The following TTC13 variants were observed in gnomAD, a reference collection of about 807,000 sequenced individuals.
TTC13 encodes tetratricopeptide repeat domain 13.
A neutral mutation model predicts 120.0 loss-of-function variants in TTC13; 62 were observed. The ratio of observed to expected loss-of-function variants is 0.52; its 90% confidence interval spans 0.42 to 0.64. The LOEUF is 0.64. Ranked by LOEUF, TTC13 falls within the 30% of genes least tolerant of loss-of-function variation. The pLI, the probability that TTC13 is intolerant of heterozygous loss-of-function variation, is 0.00. For missense variants in TTC13, 824 were observed against 1,050.2 expected (o/e 0.78, Z 2.98); for synonymous variants, 384 against 393.5 (o/e 0.98, Z 0.28).
intron 7 of TTC13, 151 bp from the exon 8 acceptor site, chr1:230,939,647 T>C (rs867960249): frequency 2.5e-5 from 13 of 516,666 alleles, no homozygotes; most frequent in African/African-American, 7.6e-5. Context: ...TATATATTGG[T>C]TAAGTGCTTA....
intron 6 of TTC13, among the ~76,000 whole-genome samples, chr1:230,941,905 T>C (rs899753757): frequency 2.0e-5 from 3 of 152,176 alleles, no homozygotes; most frequent in Admixed American, 6.5e-5. Flanking sequence ...AAAAAGTTAA[T>C]TTATGTTCAT....
At chr1:230,966,523 C>A (rs934198480) in intron 1 of TTC13, among the ~76,000 whole-genome samples, 1 of 152,130 alleles carries the variant, frequency 6.6e-6, no homozygotes, top group East Asian at 1.9e-4. Context: ...TGATTCAATA[C>A]ATATTTGTTG....
At chr1:230,961,117 A>G (rs1415444508) in intron 2 of TTC13, 92 bp downstream of exon 2, 1 of 932,008 alleles carries the variant, frequency 1.1e-6, no homozygotes, top group Non-Finnish European at 1.7e-6. Context: ...ACGAGGCCCA[A>G]CTTCTAGTTG....
chr1:230,925,661 C>G lies in TTC13; in HGVS notation c.1458-14G>C, dbSNP rs1187877185. 4 of 1,613,294 alleles carry G rather than the reference C, an allele frequency of 2.5e-6. No individual in the cohort carries two copies. The highest frequency in any genetic ancestry group is 3.4e-6 in the Non-Finnish European group (4 of 1,179,572). On this transcript the variant is annotated splice_polypyrimidine_tract_variant and intron_variant, in intron 12 of 22. Coordinates refer to ENST00000366661, the MANE Select transcript of TTC13 (RefSeq NM_024525.5). ...TGTAACACATCTCTGGAAGAAACAT[C>G]ATGTACATGATAAGGACTTTTACAA...
intron 8 of TTC13, chr1:230,936,121 A>G (rs1674030117): frequency 2.2e-6 from 1 of 454,344 alleles, no homozygotes; most frequent in Non-Finnish European, 4.4e-6. Context: ...GTGGACAGCT[A>G]GGTGGAGACG....
chr1:230,937,795 T>C (rs371829141), intron 8 of TTC13, among the ~76,000 whole-genome samples: 13 of 152,232 alleles, frequency 8.5e-5, no homozygotes, highest in Admixed American at 2.6e-4. Context: ...ACTTTTCACA[T>C]AGAGTATTTT....
At chr1:230,907,042 AG>A (rs1270661772) in intron 22 of TTC13, 23 bp from the exon 23 acceptor site, 1 of 1,296,900 alleles carries the variant, frequency 7.7e-7, no homozygotes, top group East Asian at 2.7e-5. Flanking sequence ...AACACAAAGT[AG>A]CGGCATGAAA....
At position 230,978,070 on chromosome 1, in the gene TTC13, G is replaced by A. The variant is rs1029884730; in HGVS notation, c.271+490C>T. ...CCAATTTTTAGGAACTGTTGTATAC[G>A]AGACATTAACCCGGGAGGTCAGGAA... On this transcript the variant is annotated intron_variant, in intron 1 of 22. Coordinates refer to ENST00000366661, the MANE Select transcript of TTC13 (RefSeq NM_024525.5). This position sits in a 1 kb window ranked among gnomAD's most constrained non-coding sequence, Gnocchi z 5.6. Among the ~76,000 whole-genome samples the A allele has an allele frequency of 1.3e-5, 2 of 152,168 alleles. No homozygotes were observed. The highest frequency in any genetic ancestry group is 4.8e-5 in the African/African-American group (2 of 41,428).
At chr1:230,925,770 T>G in intron 12 of TTC13, 123 bp from the exon 13 acceptor site, 1 of 1,082,900 alleles carries the variant, frequency 9.2e-7, no homozygotes, top group East Asian at 2.4e-5. Context: ...GACCACATAA[T>G]CCTTACTTCA....
Position 230,919,237 on chromosome 1 carries a change from T to C in TTC13, c.1983+1273A>G, listed in dbSNP as rs1672340803. Reference sequence around the variant, plus strand: ...ATGGGGTCTCACTCATCACCCAGTGTAGGCAAGAGAGCAAGACCCTGTCTC... The same window carrying C: ...ATGGGGTCTCACTCATCACCCAGTGCAGGCAAGAGAGCAAGACCCTGTCTC... On this transcript the variant is annotated intron_variant, in intron 17 of 22. Transcript: ENST00000366661. Among the ~76,000 whole-genome samples, 7 of 151,596 alleles carry C rather than the reference T, an allele frequency of 4.6e-5. No individual in the cohort carries two copies. The South Asian group carries it at 1.5e-3, about 32-fold the overall frequency.
At position 230,978,525 on chromosome 1, in the gene TTC13, C is replaced by A; in HGVS notation, c.271+35G>T. ...ACCCCAGCCCCGCTGCCCCGCCGCC[C>A]CGGCCGACTCGGACGCCCGCCGCCG... On this transcript the variant is annotated intron_variant, in intron 1 of 22. Transcript: ENST00000366661. The surrounding 1 kb of genome is among the most constrained non-coding windows in gnomAD (Gnocchi z 5.6). 1.4e-6 allele frequency: 1 copy of A among 721,366 alleles called. No individual in the cohort carries two copies. Among genetic ancestry groups the A allele is most frequent in the Non-Finnish European group, 1.9e-6 (1 of 516,962 alleles). 44.7% of individuals were successfully genotyped at this position (721,366 alleles called of 1,614,324 possible).
chr1:230,958,495 T>TA (rs1166912136), intron 2 of TTC13, among the ~76,000 whole-genome samples, 196 bp from the exon 3 acceptor site: 1 of 152,228 alleles, frequency 6.6e-6, no homozygotes, highest in Non-Finnish European at 1.5e-5. Flanking sequence ...GGGAAACTCT[T>TA]ATCAGCTCCT....
chr1:230,955,959 G>A (rs1207341347), intron 3 of TTC13, among the ~76,000 whole-genome samples: 1 of 152,134 alleles, frequency 6.6e-6, no homozygotes, highest in Non-Finnish European at 1.5e-5. Flanking sequence ...GGGGGTGGTG[G>A]AGGCAGTAAT....
chr1:230,976,398 A>ATAGT (rs1360273971), intron 1 of TTC13, among the ~76,000 whole-genome samples: 1 of 151,696 alleles, frequency 6.6e-6, no homozygotes, highest in African/African-American at 2.4e-5. Flanking sequence ...CAGCTTCTAC[A>ATAGT]TAGTTGTCCA....
intron 18 of TTC13, 106 bp from the exon 19 acceptor site, chr1:230,912,864 CAT>C: frequency 2.0e-6 from 2 of 995,756 alleles, no homozygotes; most frequent in South Asian, 3.1e-5. Context: ...TAGCACTAAA[CAT>C]ATACAAGAAT....
Position 230,978,175 on chromosome 1 carries a change from C to T in TTC13, c.271+385G>A, listed in dbSNP as rs73110115. Among the ~76,000 whole-genome samples the T allele has an allele frequency of 0.043, 6,525 of 152,248 alleles. 378 individuals carry two copies. Among genetic ancestry groups the T allele is most frequent in the African/African-American group, 0.13 (5,561 of 41,564 alleles). ...GCAAGCCGCCGGGCTGGTTGCTCGT[C>T]CGCCCGCCCCTCCCTCGCCCCTTCG... On this transcript the variant is annotated intron_variant, in intron 1 of 22. Transcript: ENST00000366661. The surrounding 1 kb of genome is among the most constrained non-coding windows in gnomAD (Gnocchi z 5.6).
intron 18 of TTC13, among the ~76,000 whole-genome samples, chr1:230,914,980 T>TG (rs1385187621): frequency 2.6e-5 from 4 of 152,150 alleles, no homozygotes; most frequent in Non-Finnish European, 4.4e-5. Flanking sequence ...ATACACATCG[T>TG]GGATGTGTGA....
chr1:230,935,194 A>G (rs1673929907), intron 8 of TTC13, among the ~76,000 whole-genome samples: 1 of 152,220 alleles, frequency 6.6e-6, no homozygotes, highest in African/African-American at 2.4e-5. Context: ...CTTTACCACT[A>G]TATTCTTAAT....
At chr1:230,975,768 T>C (rs1678240033) in intron 1 of TTC13, among the ~76,000 whole-genome samples, 2 of 152,136 alleles carry the variant, frequency 1.3e-5, no homozygotes, top group African/African-American at 2.4e-5. Flanking sequence ...CTGAGACATA[T>C]GGCACCAGAG....
Sources: allele counts gnomAD v4.1 joint callset (sites outside exome capture counted in the v4.1 genomes callset), GRCh38; gene constraint gnomAD v4.1.1; non-coding constraint Gnocchi (gnomAD v3.1); transcripts MANE v1.5; gene names NCBI Gene and HGNC (gene_info 2026-07-23, HGNC 2026-07-21).